PITPNC1: variants seen among roughly 807,000 people sequenced by gnomAD.
PITPNC1 encodes phosphatidylinositol transfer protein cytoplasmic 1.
In PITPNC1, 18 loss-of-function variants were observed where a neutral mutation model predicts 44.7. The ratio of observed to expected loss-of-function variants is 0.40; its 90% CI spans 0.28 to 0.60. PITPNC1 has a LOEUF of 0.60. Ranked by LOEUF, PITPNC1 falls within the 20% of genes least tolerant of loss-of-function variation. The probability of loss-of-function intolerance (pLI) is 0.39; values close to 1 mark genes in which losing one functional copy is unlikely to be tolerated. For synonymous variants in PITPNC1, 141 were observed against 149.6 expected, an observed-to-expected ratio of 0.94 and a Z score of 0.42; for missense variants, 290 against 418.4, an observed-to-expected ratio of 0.69 and a Z score of 2.68.
chr17:67,658,684 C>T (rs1266549567), intron 6 of PITPNC1, among the ~76,000 whole-genome samples: 2 of 152,200 alleles, frequency 1.3e-5, no homozygotes, highest in African/African-American at 4.8e-5. Flanking sequence ...CCTCTGGTGC[C>T]TGCCCACCTT....
chr17:67,597,833 G>A lies in PITPNC1; in HGVS notation c.366+19576G>A, dbSNP rs533347528. 1.2e-4 allele frequency among the ~76,000 whole-genome samples: 19 copies of A among 152,288 alleles called. No individual in the cohort carries two copies. The highest frequency in any genetic ancestry group is 2.6e-4 in the Admixed American group (4 of 15,298). On this transcript the variant is annotated intron_variant, in intron 5 of 8. Transcript: ENST00000581322. This position sits in a 1 kb window ranked among gnomAD's most constrained non-coding sequence, Gnocchi z 4.0. ...TGAGAATGGGTAGACAGGCAAGATC[G>A]TGATGCAGGGAGAGACTGGTAGAGA...
At chr17:67,438,075 GAAAAAAAGAA>G (rs1163521170) in intron 1 of PITPNC1, among the ~76,000 whole-genome samples, 7 of 146,466 alleles carry the variant, frequency 4.8e-5, no homozygotes, top group Non-Finnish European at 9.1e-5. Context: ...CTCAAAAAAA[GAAAAAAAGAA>G]AAAAAAAGAA....
At chr17:67,417,516 C>A (rs2038606393) in intron 1 of PITPNC1, among the ~76,000 whole-genome samples, 1 of 152,150 alleles carries the variant, frequency 6.6e-6, no homozygotes, top group Admixed American at 6.5e-5. Flanking sequence ...CATATAATTT[C>A]TTGGTTGCCA....
chr17:67,629,238 C>CTGTGTGTGTGTG (rs71139164), intron 5 of PITPNC1, among the ~76,000 whole-genome samples: 12,224 of 131,248 alleles, frequency 0.093, 693 homozygotes, highest in African/African-American at 0.15. Flanking sequence ...CTGGGGTATT[C>CTGTGTGTGTGTG]TGTGTGTGTG....
At chr17:67,623,180 T>C (rs888767723) in intron 5 of PITPNC1, among the ~76,000 whole-genome samples, 2 of 151,568 alleles carry the variant, frequency 1.3e-5, no homozygotes, top group Non-Finnish European at 1.5e-5. Flanking sequence ...TCTGTCTCTT[T>C]AATCGTATCT....
chr17:67,622,756 G>T (rs1251360865), intron 5 of PITPNC1, among the ~76,000 whole-genome samples: 2 of 151,838 alleles, frequency 1.3e-5, no homozygotes, highest in Non-Finnish European at 2.9e-5. Context: ...CATGCCTGTA[G>T]TCCCAGCTAC....
chr17:67,532,629 C>A (rs981475751), intron 1 of PITPNC1, among the ~76,000 whole-genome samples, 173 bp from the exon 2 acceptor site: 1 of 152,114 alleles, frequency 6.6e-6, no homozygotes, highest in Non-Finnish European at 1.5e-5. Flanking sequence ...GTTCTACTCA[C>A]AACTGGTTCT....
At chr17:67,431,027 A>G (rs1432676732) in intron 1 of PITPNC1, among the ~76,000 whole-genome samples, 1 of 143,982 alleles carries the variant, frequency 6.9e-6, no homozygotes, top group Admixed American at 7.0e-5. Context: ...ATGATGAACT[A>G]TTTCTTTAAT....
chr17:67,461,615 G>A (rs1048654521), intron 1 of PITPNC1, among the ~76,000 whole-genome samples: 1 of 152,184 alleles, frequency 6.6e-6, no homozygotes, highest in African/African-American at 2.4e-5. Context: ...AGATATCCAA[G>A]AGATTGTCTT....
chr17:67,468,824 G>C (rs1481617205), intron 1 of PITPNC1, among the ~76,000 whole-genome samples: 1 of 151,950 alleles, frequency 6.6e-6, no homozygotes, highest in African/African-American at 2.4e-5. Flanking sequence ...CACCTCCCAG[G>C]TTCAAGCGAT....
At chr17:67,599,473 A>C (rs1020857592) in intron 5 of PITPNC1, among the ~76,000 whole-genome samples, 3 of 152,182 alleles carry the variant, frequency 2.0e-5, no homozygotes, top group African/African-American at 7.2e-5. Context: ...TTGACGTTTA[A>C]TGGGAGGGAA....
At chr17:67,681,545 G>C (rs1441404777) in intron 8 of PITPNC1, among the ~76,000 whole-genome samples, 1 of 148,470 alleles carries the variant, frequency 6.7e-6, no homozygotes, top group African/African-American at 2.5e-5. Flanking sequence ...GGAGGTCAAG[G>C]CTGCAGGGAA....
At chr17:67,391,333 C>T (rs1325033647) in intron 1 of PITPNC1, among the ~76,000 whole-genome samples, 1 of 151,926 alleles carries the variant, frequency 6.6e-6, no homozygotes, top group Admixed American at 6.6e-5. Context: ...AGACTGTTCC[C>T]CCGCCCCATG....
chr17:67,683,753 G>A (rs567272520), intron 8 of PITPNC1, among the ~76,000 whole-genome samples: 9 of 151,904 alleles, frequency 5.9e-5, no homozygotes, highest in South Asian at 2.1e-4. Context: ...CGAGGTGGGC[G>A]GATCACTTGA....
chr17:67,624,825 C>T (rs2041876843), intron 5 of PITPNC1, among the ~76,000 whole-genome samples: 1 of 152,018 alleles, frequency 6.6e-6, no homozygotes, highest in Admixed American at 6.6e-5. Flanking sequence ...TGCCTGGCCA[C>T]CAAGATTCTT....
At chr17:67,489,398 G>A (rs1356610537) in intron 1 of PITPNC1, among the ~76,000 whole-genome samples, 8 of 152,184 alleles carry the variant, frequency 5.3e-5, no homozygotes, top group Non-Finnish European at 1.2e-4. Flanking sequence ...TAAAGATCAT[G>A]GGCTATAAAT....
At chr17:67,677,597 T>G (rs1481820506) in intron 8 of PITPNC1, among the ~76,000 whole-genome samples, 1 of 150,794 alleles carries the variant, frequency 6.6e-6, no homozygotes, top group African/African-American at 2.4e-5. Flanking sequence ...AGACAGAGTC[T>G]CGCACTGTCG....
chr17:67,521,873 C>T (rs551814062), intron 1 of PITPNC1, among the ~76,000 whole-genome samples: 36 of 152,238 alleles, frequency 2.4e-4, no homozygotes, highest in African/African-American at 8.4e-4. Context: ...TCATTGAGAC[C>T]GGATCAGAAC....
chr17:67,616,091 T>G (rs1323832500), intron 5 of PITPNC1, among the ~76,000 whole-genome samples: 1 of 152,204 alleles, frequency 6.6e-6, no homozygotes, highest in East Asian at 1.9e-4. Context: ...TTTGTGATCC[T>G]TCCGCATGTA....
Sources: gnomAD v4.1 joint callset for allele counts (sites outside exome capture counted in the v4.1 genomes callset) on GRCh38, gnomAD v4.1.1 for gene constraint, Gnocchi (gnomAD v3.1) non-coding constraint, MANE v1.5 for transcripts, NCBI Gene and HGNC (gene_info 2026-07-23, HGNC 2026-07-21) for gene names.